The following KCNIP4 variants were observed in gnomAD, a reference collection of about 807,000 sequenced individuals.
KCNIP4 encodes the protein potassium voltage-gated channel interacting protein 4, also known as Kv channel-interacting protein 4.
Under a neutral mutation model 34.0 loss-of-function variants are expected in KCNIP4, and 12 were observed. That is an observed-to-expected ratio of 0.35 (90% CI 0.23 to 0.57). KCNIP4 has a LOEUF of 0.57. Among genes scored for constraint, KCNIP4 ranks in the 20% least tolerant of loss-of-function variants. The pLI, the probability that KCNIP4 is intolerant of heterozygous loss-of-function variation, is 0.83. For synonymous variants in KCNIP4, 124 were observed against 102.2 expected (o/e 1.21, Z -1.29); for missense variants, 238 against 311.7 (o/e 0.76, Z 1.78).
intron 1 of KCNIP4, among the ~76,000 whole-genome samples, chr4:21,473,922 C>G (rs1422642326): frequency 1.3e-5 from 2 of 151,890 alleles, no homozygotes; most frequent in Non-Finnish European, 2.9e-5. Flanking sequence ...CCATGTTGGC[C>G]AGGCTGTCCT....
intron 1 of KCNIP4, among the ~76,000 whole-genome samples, chr4:21,169,660 T>TTGTGTGTGTGTGTG (rs58544791): frequency 2.9e-5 from 4 of 136,208 alleles, no homozygotes; most frequent in East Asian, 2.3e-4. Context: ...TACTTTATAT[T>TTGTGTGTGTGTGTG]TGTGTGTGTG....
Position 21,172,399 on chromosome 4 carries a change from C to G in KCNIP4, c.62-289690G>C, listed in dbSNP as rs116513870. Among the ~76,000 whole-genome samples the G allele has an allele frequency of 4.6e-5, 7 of 152,190 alleles. No individual in the cohort carries two copies. In the South Asian group the frequency reaches 1.5e-3, roughly 32 times the overall value. On this transcript the variant is annotated intron_variant, in intron 1 of 8. Coordinates refer to ENST00000382152, the MANE Select transcript of KCNIP4 (RefSeq NM_025221.6). ...ATGAACTGTGTGAGATAGAAAGTAA[C>G]CTTATTTTACAGAGAAAAATAAAAT...
chr4:21,625,574 C>G (rs565474934), intron 1 of KCNIP4, among the ~76,000 whole-genome samples: 5 of 152,260 alleles, frequency 3.3e-5, no homozygotes, highest in African/African-American at 9.6e-5. Context: ...CTGCAGAAAG[C>G]TGGTGAGCTA....
intron 7 of KCNIP4, 117 bp downstream of exon 7, chr4:20,732,564 T>C: frequency 1.4e-6 from 1 of 706,376 alleles, no homozygotes. Context: ...TAAATACTGT[T>C]TTGTTTCAGT....
At chr4:21,391,865 A>T (rs1310608744) in intron 1 of KCNIP4, among the ~76,000 whole-genome samples, 2 of 152,088 alleles carry the variant, frequency 1.3e-5, no homozygotes, top group African/African-American at 2.4e-5. Flanking sequence ...GATGTTCCTG[A>T]TGTGTACAAA....
intron 3 of KCNIP4, among the ~76,000 whole-genome samples, chr4:20,818,118 A>G (rs573732810): frequency 6.6e-6 from 1 of 152,328 alleles, no homozygotes; most frequent in Non-Finnish European, 1.5e-5. Context: ...TCGATTTCTA[A>G]TGATTGCAAT....
At chr4:21,242,880 CTGTGTGTGTGTGTG>C (rs56347755) in intron 1 of KCNIP4, among the ~76,000 whole-genome samples, 18,706 of 149,172 alleles carry the variant, frequency 0.13, 3,182 homozygotes, top group African/African-American at 0.39. Flanking sequence ...GTGTGTGTAT[CTGTGTGTGTGTGTG>C]TGTGTGTGTG....
chr4:21,147,318 C>T (rs375778829), intron 1 of KCNIP4, among the ~76,000 whole-genome samples: 1 of 152,196 alleles, frequency 6.6e-6, no homozygotes, highest in African/African-American at 2.4e-5. Flanking sequence ...CCAGTTTGCA[C>T]TGCTGTTGCC....
intron 1 of KCNIP4, among the ~76,000 whole-genome samples, chr4:21,024,954 A>G (rs1740393605): frequency 2.0e-5 from 3 of 152,210 alleles, no homozygotes; most frequent in Non-Finnish European, 4.4e-5. Context: ...AGAAGTGATC[A>G]TCTTATTTTA....
chr4:21,145,650 G>A (rs755665312), intron 1 of KCNIP4, among the ~76,000 whole-genome samples: 143 of 152,198 alleles, frequency 9.4e-4, no homozygotes, highest in African/African-American at 3.3e-3. Flanking sequence ...AAAGGGCCCT[G>A]ATTAAAGACT....
rs73108043 is a variant in KCNIP4, at chr4:21,828,118, A to C, written c.61+120453T>G. Among the ~76,000 whole-genome samples the C allele has an allele frequency of 2.7e-3, 411 of 151,616 alleles. 3 individuals carry two copies. The highest frequency in any genetic ancestry group is 9.5e-3 in the African/African-American group (396 of 41,538). On this transcript the variant is annotated intron_variant, in intron 1 of 8. Transcript: ENST00000382152. ...CATCTATTAATAGTATGAGAAAATA[A>C]AGTAAAAATTAAAAATATAAATTAG...
Position 21,190,898 on chromosome 4 carries a change from C to T in KCNIP4, c.62-308189G>A, listed in dbSNP as rs147758979. On this transcript the variant is annotated intron_variant, in intron 1 of 8. Coordinates refer to ENST00000382152, the MANE Select transcript of KCNIP4 (RefSeq NM_025221.6). The stretch of plus-strand genomic sequence containing the variant: ...GAGTTTCAAAGGTTTCATAAGGAAA[C>T]CTTGAAAGAAAAAAGTAAATATTTT... Among the ~76,000 whole-genome samples the T allele has an allele frequency of 1.9e-3, 292 of 152,172 alleles. 1 individual carries two copies. Among genetic ancestry groups the T allele is most frequent in the Non-Finnish European group, 3.6e-3 (242 of 67,992 alleles).
At chr4:20,875,716 TA>T (rs1723944991) in intron 2 of KCNIP4, among the ~76,000 whole-genome samples, 1 of 152,104 alleles carries the variant, frequency 6.6e-6, no homozygotes, top group South Asian at 2.1e-4. Context: ...TGTCAGAGGT[TA>T]AACATTAAAA....
intron 3 of KCNIP4, among the ~76,000 whole-genome samples, chr4:20,803,067 T>C (rs1258248866): frequency 7.0e-5 from 7 of 100,298 alleles, no homozygotes; most frequent in African/African-American, 2.2e-4. Flanking sequence ...AGAGTGAGAC[T>C]CTGCCTCAAA....
At chr4:21,391,036 GT>G (rs1722513260) in intron 1 of KCNIP4, among the ~76,000 whole-genome samples, 1 of 151,984 alleles carries the variant, frequency 6.6e-6, no homozygotes. Context: ...TGTCAATGTG[GT>G]TTTTATTTTC....
At chr4:21,139,101 G>A (rs982301314) in intron 1 of KCNIP4, among the ~76,000 whole-genome samples, 4 of 152,246 alleles carry the variant, frequency 2.6e-5, no homozygotes, top group Admixed American at 2.6e-4. Context: ...ACTTGGGTTT[G>A]CATGTTGCTT....
intron 1 of KCNIP4, among the ~76,000 whole-genome samples, chr4:21,403,880 TC>T (rs1169344476): frequency 6.6e-6 from 1 of 152,166 alleles, no homozygotes; most frequent in Non-Finnish European, 1.5e-5. Context: ...CTGTTCTGCT[TC>T]TTTTATACGA....
chr4:20,952,914 C>A (rs1732925099), intron 1 of KCNIP4, among the ~76,000 whole-genome samples: 2 of 152,184 alleles, frequency 1.3e-5, no homozygotes, highest in South Asian at 2.1e-4. Context: ...TAGATGACAC[C>A]GTCTTGCTGT....
intron 1 of KCNIP4, among the ~76,000 whole-genome samples, chr4:21,274,424 T>G (rs1488245926): frequency 6.6e-6 from 1 of 152,152 alleles, no homozygotes; most frequent in Non-Finnish European, 1.5e-5. Context: ...GATATGACAT[T>G]TAACAAATTA....
Sources: gnomAD v4.1 joint callset for allele counts (sites outside exome capture counted in the v4.1 genomes callset) on GRCh38, gnomAD v4.1.1 for gene constraint, MANE v1.5 for transcripts, NCBI Gene and HGNC (gene_info 2026-07-23, HGNC 2026-07-21) for gene names.